CLCA4: variants seen among roughly 807,000 people sequenced by gnomAD.
CLCA4 encodes the protein calcium-activated chloride channel regulator 4.
A neutral mutation model predicts 78.9 loss-of-function variants in CLCA4; 69 were observed. The observed-to-expected ratio is 0.87, with a 90% CI of 0.72 to 1.07. The LOEUF is 1.07. Among genes scored for constraint, CLCA4 ranks in the 50% least tolerant of loss-of-function variants. CLCA4 has a pLI of 0.00. For missense variants in CLCA4, 1,133 were observed against 1,095.8 expected (o/e 1.03, Z -0.48); for synonymous variants, 362 against 375.8 (o/e 0.96, Z 0.42).
intron 7 of CLCA4, among the ~76,000 whole-genome samples, chr1:86,569,965 A>C (rs1347713720): frequency 2.0e-5 from 3 of 151,970 alleles, no homozygotes; most frequent in African/African-American, 7.2e-5. Flanking sequence ...TTTGTACTTA[A>C]ATGCGTGGGA....
intron 4 of CLCA4, among the ~76,000 whole-genome samples, chr1:86,564,294 G>A (rs540143125): frequency 6.6e-6 from 1 of 152,088 alleles, no homozygotes; most frequent in Non-Finnish European, 1.5e-5. Context: ...ATTAAAATTG[G>A]TGCTATCACC....
At chr1:86,552,937 G>T in intron 1 of CLCA4, 1 of 649,408 alleles carries the variant, frequency 1.5e-6, no homozygotes. Flanking sequence ...CGGGTGCCTC[G>T]GCGTCTGTGC....
Position 86,563,696 on chromosome 1 carries a change from T to C in CLCA4, c.484T>C (p.Trp162Arg), listed in dbSNP as rs896197927. The C allele has an allele frequency of 1.3e-5, 21 of 1,604,088 alleles. No individual in the cohort carries two copies. The highest frequency in any genetic ancestry group is 3.4e-5 in the Admixed American group (2 of 58,702). Residue 162 changes from tryptophan (W) to arginine (R), a missense_variant, in exon 4 of 14, where the codon TGG becomes CGG. Trp to Arg is a moderately radical substitution (Grantham distance 101). Transcript: ENST00000370563. ...LFVHEWAHLR[W>R]GVFDEYNEDQ... The stretch of plus-strand genomic sequence containing the variant: ...TGTCCATGAGTGGGCTCACCTCCGG[T>C]GGGGAGTGTTTGATGAGTACAATGA...
chr1:86,554,860 GTT>G (rs150075352), intron 1 of CLCA4, among the ~76,000 whole-genome samples: 3 of 140,704 alleles, frequency 2.1e-5, no homozygotes, highest in African/African-American at 5.2e-5. Context: ...CAAGCATCTG[GTT>G]TTTTTTTTTT....
At chr1:86,567,361 T>G in intron 6 of CLCA4, 63 bp from the exon 7 acceptor site, 1 of 1,319,560 alleles carries the variant, frequency 7.6e-7, no homozygotes, top group East Asian at 2.3e-5. Flanking sequence ...ATTCATTTTA[T>G]GTGATCTTCT....
At chr1:86,565,703 C>T (rs1389699179) in intron 5 of CLCA4, 99 bp from the exon 6 acceptor site, 3 of 710,864 alleles carry the variant, frequency 4.2e-6, no homozygotes, top group African/African-American at 1.8e-5. Context: ...ATTCAACAAA[C>T]AACATATCTG....
chr1:86,549,981 C>T (rs767258682), intron 1 of CLCA4, among the ~76,000 whole-genome samples: 2 of 152,200 alleles, frequency 1.3e-5, no homozygotes, highest in Non-Finnish European at 2.9e-5. Context: ...TCAAATATAA[C>T]ATTCTATGTA....
chr1:86,555,810 T>C (rs1649823797), intron 1 of CLCA4, among the ~76,000 whole-genome samples: 1 of 152,236 alleles, frequency 6.6e-6, no homozygotes, highest in African/African-American at 2.4e-5. Flanking sequence ...TTTAGTGATA[T>C]TGATTCTTCC....
intron 3 of CLCA4, among the ~76,000 whole-genome samples, chr1:86,561,693 C>T (rs1558186505): frequency 1.3e-5 from 2 of 152,114 alleles, no homozygotes; most frequent in Non-Finnish European, 2.9e-5. Flanking sequence ...TTACCACCTA[C>T]ACCTTCTCTA....
chr1:86,553,506 C>T (rs1309223565), intron 1 of CLCA4, among the ~76,000 whole-genome samples: 3 of 152,190 alleles, frequency 2.0e-5, no homozygotes, highest in Non-Finnish European at 4.4e-5. Flanking sequence ...GGGTCCTCTG[C>T]TCAGCCGACG....
chr1:86,574,658 G>A lies in CLCA4; in HGVS notation c.1586G>A (p.Ser529Asn). 4 of 1,613,290 alleles carry A rather than the reference G, an allele frequency of 2.5e-6. No individual in the cohort carries two copies. The highest frequency in any genetic ancestry group is 3.4e-6 in the Non-Finnish European group (4 of 1,179,506). ...FLITWNSLPP[S>N]ISLWDPSGTI... Reference sequence around the variant, plus strand: ...ATCACATGGAACAGTCTGCCTCCCAGTATTTCTCTCTGGGATCCCAGTGGA... The same window carrying A: ...ATCACATGGAACAGTCTGCCTCCCAATATTTCTCTCTGGGATCCCAGTGGA... The change falls in exon 10 of 14, where the codon AGT becomes AAT. Residue 529 changes from serine (S) to asparagine (N), a missense_variant. By Grantham distance (46) the Ser-to-Asn change is conservative. Transcript: ENST00000370563.
intron 1 of CLCA4, among the ~76,000 whole-genome samples, chr1:86,547,671 A>G (rs1005910824): frequency 2.0e-5 from 3 of 152,112 alleles, no homozygotes; most frequent in East Asian, 1.9e-4. Flanking sequence ...CTCTATCTCC[A>G]TAAGATACCC....
chr1:86,552,774 G>T, intron 1 of CLCA4: 2 of 1,362,056 alleles, frequency 1.5e-6, no homozygotes, highest in Non-Finnish European at 2.1e-6. Flanking sequence ...CTGTGTCCAG[G>T]TTGTAGTAGG....
At chr1:86,574,793 T>A (rs763360032) in intron 10 of CLCA4, 38 bp downstream of exon 10, 13 of 1,445,246 alleles carry the variant, frequency 9.0e-6, no homozygotes, top group African/African-American at 1.4e-5. Context: ...TCAACATTTT[T>A]AAAAAACTGA....
At chr1:86,566,851 C>G (rs948527672) in intron 6 of CLCA4, among the ~76,000 whole-genome samples, 5 of 151,960 alleles carry the variant, frequency 3.3e-5, no homozygotes, top group African/African-American at 1.2e-4. Flanking sequence ...ACCAAAGAGC[C>G]AATTCAATTA....
At chr1:86,554,183 CTCT>C (rs1374373571) in intron 1 of CLCA4, among the ~76,000 whole-genome samples, 7 of 152,120 alleles carry the variant, frequency 4.6e-5, no homozygotes, top group Non-Finnish European at 4.4e-5. Context: ...GTCTCTTGTT[CTCT>C]TCTTTGTGTT....
intron 1 of CLCA4, chr1:86,553,491 C>T (rs528018097): frequency 3.1e-6 from 1 of 319,532 alleles, no homozygotes; most frequent in African/African-American, 2.2e-5. Flanking sequence ...GCGAGTCTGC[C>T]CGCTGGGTCC....
At position 86,565,400 on chromosome 1, in the gene CLCA4, T is replaced by A; in HGVS notation, c.684T>A (p.Asp228Glu). ...GAAAAGATTGTCAATTCTTTCCTGA[T>A]AAAGTACAAACAGAAAAAGCATCCA... ...LYGKDCQFFP[D>E]KVQTEKASIM... Residue 228 changes from aspartate (D) to glutamate (E), a missense_variant, in exon 5 of 14, where the codon GAT becomes GAA. Transcript: ENST00000370563. 1 of 1,608,796 alleles carries A rather than the reference T, an allele frequency of 6.2e-7. No homozygotes were observed. Among genetic ancestry groups the A allele is most frequent in the South Asian group, 1.1e-5 (1 of 90,448 alleles).
intron 11 of CLCA4, among the ~76,000 whole-genome samples, chr1:86,577,388 C>G (rs1296526762): frequency 6.6e-6 from 1 of 152,026 alleles, no homozygotes; most frequent in African/African-American, 2.4e-5. Flanking sequence ...AATGCTGGGA[C>G]CTTTCCCTAG....
Sources: allele counts gnomAD v4.1 joint callset (sites outside exome capture counted in the v4.1 genomes callset), GRCh38; gene constraint gnomAD v4.1.1; transcripts MANE v1.5; gene names NCBI Gene and HGNC (gene_info 2026-07-23, HGNC 2026-07-21).